GALNT13: variants seen among roughly 807,000 people sequenced by gnomAD.
GALNT13 encodes the protein polypeptide N-acetylgalactosaminyltransferase 13, also known as UDP-GalNAc:polypeptide N-acetylgalactosaminyltransferase 13.
In GALNT13, 28 loss-of-function variants were observed where a neutral mutation model predicts 64.2. The observed-to-expected ratio is 0.44, with a 90% confidence interval of 0.32 to 0.60. The LOEUF is 0.60. Among genes scored for constraint, GALNT13 ranks in the 20% least tolerant of loss-of-function variants. The pLI is 0.05. For synonymous variants in GALNT13, 214 were observed against 224.6 expected (o/e 0.95, Z 0.42); for missense variants, 577 against 669.8 (o/e 0.86, Z 1.53).
chr2:154,036,156 G>C (rs995261273), intron 3 of GALNT13, among the ~76,000 whole-genome samples: 1 of 152,008 alleles, frequency 6.6e-6, no homozygotes, highest in African/African-American at 2.4e-5. Context: ...AGCGATTAGT[G>C]TCCGAGTTAA....
At chr2:154,356,091 A>T (rs1696732574) in intron 9 of GALNT13, among the ~76,000 whole-genome samples, 1 of 152,034 alleles carries the variant, frequency 6.6e-6, no homozygotes, top group Non-Finnish European at 1.5e-5. Flanking sequence ...TTTCTCTTTG[A>T]TCACTATTCT....
chr2:153,329,510 C>T, the GALNT13 span, among the ~76,000 whole-genome samples: 1 of 152,114 alleles, frequency 6.6e-6, no homozygotes, highest in South Asian at 2.1e-4. Context: ...TTTTGATTTG[C>T]ATTTCTCTGA....
At chr2:153,688,573 A>T in the GALNT13 span, among the ~76,000 whole-genome samples, 3 of 152,026 alleles carry the variant, frequency 2.0e-5, no homozygotes, top group African/African-American at 7.2e-5. Flanking sequence ...GTATTACAAC[A>T]TAGGTTTTTC....
the GALNT13 span, among the ~76,000 whole-genome samples, chr2:153,739,563 A>T: frequency 4.3e-4 from 23 of 53,058 alleles, no homozygotes; most frequent in South Asian, 8.4e-4. Context: ...TTTATTTATT[A>T]TTTTATTTAT....
At chr2:153,732,067 C>T in the GALNT13 span, among the ~76,000 whole-genome samples, 1 of 151,892 alleles carries the variant, frequency 6.6e-6, no homozygotes, top group African/African-American at 2.4e-5. Context: ...TGATACTCTA[C>T]AGGAGACATA....
At chr2:154,342,316 C>A (rs1574120642) in intron 9 of GALNT13, among the ~76,000 whole-genome samples, 1 of 152,100 alleles carries the variant, frequency 6.6e-6, no homozygotes, top group Non-Finnish European at 1.5e-5. Context: ...GTTAATTCAC[C>A]TCTCAAAATG....
intron 3 of GALNT13, among the ~76,000 whole-genome samples, chr2:154,000,695 T>A (rs1362407091): frequency 6.6e-6 from 1 of 152,050 alleles, no homozygotes; most frequent in Non-Finnish European, 1.5e-5. Flanking sequence ...TTAAGACTTG[T>A]TCTGTGACCT....
chr2:153,840,722 TA>T, the GALNT13 span, among the ~76,000 whole-genome samples: 5 of 151,908 alleles, frequency 3.3e-5, no homozygotes, highest in African/African-American at 9.7e-5. Context: ...GAAAATACAA[TA>T]AAAAATAGAA....
chr2:153,545,572 T>C, the GALNT13 span, among the ~76,000 whole-genome samples: 4 of 152,178 alleles, frequency 2.6e-5, no homozygotes, highest in African/African-American at 9.6e-5. Context: ...TAAGCAGGTC[T>C]AGGATGTATG....
At chr2:153,356,789 CTTTTTTTTT>C in the GALNT13 span, among the ~76,000 whole-genome samples, 106 of 104,886 alleles carry the variant, frequency 1.0e-3, 2 homozygotes, top group East Asian at 0.031. Flanking sequence ...TCTTCTTCCT[CTTTTTTTTT>C]TTTTTTTTTT....
At chr2:154,339,383 C>T (rs1695628898) in intron 9 of GALNT13, among the ~76,000 whole-genome samples, 1 of 151,958 alleles carries the variant, frequency 6.6e-6, no homozygotes, top group South Asian at 2.1e-4. Flanking sequence ...ACAAATTTTT[C>T]TTTCAGTGAC....
At chr2:153,872,415 C>T (rs1686014170) in intron 1 of GALNT13, 112 bp downstream of exon 1, 1 of 151,942 alleles carries the variant, frequency 6.6e-6, no homozygotes, top group African/African-American at 2.4e-5. Context: ...CGGCGAGTGC[C>T]GGGGCGCGGA....
At chr2:153,237,813 G>C in the GALNT13 span, among the ~76,000 whole-genome samples, 2 of 151,992 alleles carry the variant, frequency 1.3e-5, no homozygotes, top group African/African-American at 4.8e-5. Flanking sequence ...GTATCTCTTT[G>C]ATATAATAAT....
At chr2:153,353,121 C>A in the GALNT13 span, among the ~76,000 whole-genome samples, 4 of 152,062 alleles carry the variant, frequency 2.6e-5, no homozygotes, top group Admixed American at 2.6e-4. Context: ...TTTAGTAGTT[C>A]TTTGGGTTCT....
the GALNT13 span, among the ~76,000 whole-genome samples, chr2:153,465,743 A>C: frequency 2.6e-4 from 39 of 152,040 alleles, no homozygotes; most frequent in African/African-American, 7.2e-4. Flanking sequence ...TTTTGAGTGT[A>C]ACTTCTGGAC....
chr2:154,057,955 C>G (rs1203290213), intron 3 of GALNT13, among the ~76,000 whole-genome samples: 1 of 152,168 alleles, frequency 6.6e-6, no homozygotes, highest in Non-Finnish European at 1.5e-5. Flanking sequence ...ATTTATTGAA[C>G]AGCTGCATAG....
the GALNT13 span, among the ~76,000 whole-genome samples, chr2:153,850,005 CAAAAAAAA>C: frequency 1.3e-4 from 11 of 84,726 alleles, no homozygotes; most frequent in African/African-American, 3.9e-4. Context: ...ACTAAAAATA[CAAAAAAAA>C]AAAAAAAAAA....
chr2:153,847,440 A>G, the GALNT13 span, among the ~76,000 whole-genome samples: 1 of 151,920 alleles, frequency 6.6e-6, no homozygotes, highest in South Asian at 2.1e-4. Context: ...ATTTCACCCT[A>G]AGGTAAAAAA....
At chr2:153,422,464 G>A in the GALNT13 span, among the ~76,000 whole-genome samples, 266 of 152,236 alleles carry the variant, frequency 1.7e-3, no homozygotes, top group African/African-American at 6.1e-3. Context: ...AACTTCTAGA[G>A]GACTGCTGTA....
Sources: allele counts gnomAD v4.1 joint callset (sites outside exome capture counted in the v4.1 genomes callset), GRCh38; gene constraint gnomAD v4.1.1; transcripts MANE v1.5; gene names NCBI Gene and HGNC (gene_info 2026-07-23, HGNC 2026-07-21).